HYDIN: variants seen among roughly 807,000 people sequenced by gnomAD.
The protein encoded by HYDIN is HYDIN axonemal central pair apparatus protein.
A neutral mutation model predicts 403.9 loss-of-function variants in HYDIN; 132 were observed. That is an observed-to-expected ratio of 0.33 (90% CI 0.28 to 0.38). The LOEUF is 0.38. HYDIN is among the 10% of genes least tolerant of loss of function. The probability of loss-of-function intolerance (pLI) is 1.00; values close to 1 mark genes in which losing one functional copy is unlikely to be tolerated. For synonymous variants in HYDIN, 1,202 were observed against 1,891.7 expected (o/e 0.64, Z 9.46); for missense variants, 2,827 against 5,009.5 (o/e 0.56, Z 13.15).
chr16:71,143,863 G>A (rs1334441810), intron 7 of HYDIN, among the ~76,000 whole-genome samples: 2 of 152,302 alleles, frequency 1.3e-5, no homozygotes, highest in Non-Finnish European at 2.9e-5. Flanking sequence ...AGTAAAATAT[G>A]TAAATTACTA....
At chr16:71,221,573 C>T (rs1481182597) in intron 1 of HYDIN, among the ~76,000 whole-genome samples, 1 of 151,630 alleles carries the variant, frequency 6.6e-6, no homozygotes, top group South Asian at 2.1e-4. Context: ...GGGAAAAGCA[C>T]CCTGAACAAG....
rs757108818 is a variant in HYDIN, at chr16:70,863,115, C to T, written c.11539G>A (p.Ala3847Thr). The part of the protein sequence containing the change: ...FSWVSEDTSK[A>T]VSFAKPDHQG... ...TGATCTGGTTTTGCAAAGCTGACTGCCTTTGAGGTATCTTCTGAGACCCAG... is the reference window on the plus strand; with the variant it reads ...TGATCTGGTTTTGCAAAGCTGACTGTCTTTGAGGTATCTTCTGAGACCCAG... Residue 3847 changes from alanine (A) to threonine (T), a missense_variant, in exon 68 of 86, where the codon GCA (alanine) becomes ACA (threonine). Physicochemically the swap from Ala to Thr is moderately conservative, Grantham distance 58. Transcript: ENST00000393567. 1.1e-5 allele frequency: 18 copies of T among 1,613,982 alleles called. No homozygotes were observed. Among genetic ancestry groups the T allele is most frequent in the Non-Finnish European group, 1.4e-5 (17 of 1,179,992 alleles).
chr16:71,193,949 A>G (rs562244907), intron 1 of HYDIN, among the ~76,000 whole-genome samples: 2 of 152,330 alleles, frequency 1.3e-5, no homozygotes, highest in East Asian at 1.9e-4. Flanking sequence ...ACAAGTTAAA[A>G]TCCTTTCTAC....
intron 73 of HYDIN, among the ~76,000 whole-genome samples, chr16:70,850,963 G>C (rs1311190596): frequency 1.3e-5 from 2 of 151,906 alleles, no homozygotes; most frequent in East Asian, 1.9e-4. Context: ...AATGATGCTG[G>C]GATAGCTGGC....
rs773918706 is a variant in HYDIN, at chr16:70,805,608, G to A, written c.*1972C>T. ...GCTGATGTATACTAATATTTCAGAA[G>A]CACTGACTTTATACAGATGCTGTAT... is the stretch of plus-strand genomic sequence containing the variant. On this transcript the variant is annotated 3_prime_UTR_variant, in exon 86 of 86. Coordinates refer to ENST00000393567, the MANE Select transcript of HYDIN (RefSeq NM_001270974.2). 5.4e-4 allele frequency among the ~76,000 whole-genome samples: 82 copies of A among 152,312 alleles called. No individual in the cohort carries two copies. Among genetic ancestry groups the A allele is most frequent in the Non-Finnish European group, 1.0e-3 (69 of 68,024 alleles).
At chr16:70,841,439 C>T (rs201716934) in intron 75 of HYDIN, among the ~76,000 whole-genome samples, 3,909 of 152,138 alleles carry the variant, frequency 0.026, 420 homozygotes, top group Admixed American at 0.19. Context: ...TGCAACTTTG[C>T]TGCTGAGTTT....
chr16:70,868,614 C>T lies in HYDIN; in HGVS notation c.11266G>A (p.Asp3756Asn). 6.2e-7 allele frequency: 1 copy of T among 1,613,696 alleles called. No individual in the cohort carries two copies. Among genetic ancestry groups the T allele is most frequent in the Non-Finnish European group, 8.5e-7 (1 of 1,179,972 alleles). Residue 3756 changes from aspartate (D) to asparagine (N), a missense_variant, in exon 66 of 86, where the codon GAC (aspartate) becomes AAC (asparagine). Coordinates refer to ENST00000393567, the MANE Select transcript of HYDIN (RefSeq NM_001270974.2). ...GTCCCAGGCATGTTTCTGGGTACGT[C>T]CACCCACTTGACTGTGTGCATGCGG... is the stretch of plus-strand genomic sequence containing the variant. ...DDRMHTVKWVDVPRNMPGTFT... is the reference protein window; with the variant it reads ...DDRMHTVKWVNVPRNMPGTFT...
chr16:70,841,040 T>C (rs1028850353), intron 75 of HYDIN, among the ~76,000 whole-genome samples: 12 of 152,022 alleles, frequency 7.9e-5, no homozygotes, highest in Admixed American at 7.9e-4. Flanking sequence ...AACAGTAGAA[T>C]AAACATTCAT....
At chr16:71,114,167 A>G (rs2083929931) in intron 10 of HYDIN, among the ~76,000 whole-genome samples, 1 of 152,080 alleles carries the variant, frequency 6.6e-6, no homozygotes, top group South Asian at 2.1e-4. Flanking sequence ...TTGAGGAAAG[A>G]TGTTTTGAGA....
At chr16:71,198,027 G>C in intron 1 of HYDIN, among the ~76,000 whole-genome samples, 1 of 152,334 alleles carries the variant, frequency 6.6e-6, no homozygotes. Flanking sequence ...GATTACAGGC[G>C]TGAGCCACAG....
chr16:70,926,130 T>C (rs914025859), intron 45 of HYDIN, among the ~76,000 whole-genome samples: 8 of 148,592 alleles, frequency 5.4e-5, no homozygotes, highest in Non-Finnish European at 1.0e-4. Flanking sequence ...CAAAGGACTA[T>C]AAATCATACT....
chr16:70,884,834 A>C (rs1229814162), intron 58 of HYDIN, among the ~76,000 whole-genome samples: 8 of 152,234 alleles, frequency 5.3e-5, no homozygotes. Context: ...GTGGCCTGAG[A>C]TAAGGGAAGG....
intron 8 of HYDIN, among the ~76,000 whole-genome samples, chr16:71,130,572 C>A (rs1283496127): frequency 6.8e-6 from 1 of 147,662 alleles, no homozygotes; most frequent in Non-Finnish European, 1.5e-5. Flanking sequence ...ACTGCAAGCT[C>A]CGCTTCCCGG....
At chr16:71,184,160 T>C (rs376737783) in intron 3 of HYDIN, among the ~76,000 whole-genome samples, 2 of 152,116 alleles carry the variant, frequency 1.3e-5, no homozygotes, top group African/African-American at 4.8e-5. Flanking sequence ...TCATTCTTCA[T>C]GAGGAACATA....
Position 70,968,870 on chromosome 16 carries a change from T to A in HYDIN, c.5619+1650A>T, listed in dbSNP as rs139889073. ...TCTTTCAAAGATTCTAAAGCAGCCA[T>A]CATTGTAATGCTTTAGTGAACAATT... On this transcript the variant is annotated intron_variant, in intron 36 of 85. Coordinates refer to ENST00000393567, the MANE Select transcript of HYDIN (RefSeq NM_001270974.2). Among the ~76,000 whole-genome samples the A allele has an allele frequency of 5.9e-3, 899 of 152,216 alleles. 10 individuals are homozygous for A. The highest frequency in any genetic ancestry group is 0.021 in the African/African-American group (861 of 41,528).
At chr16:71,178,547 T>C (rs1242891527) in intron 4 of HYDIN, among the ~76,000 whole-genome samples, 1 of 151,108 alleles carries the variant, frequency 6.6e-6, no homozygotes, top group Non-Finnish European at 1.5e-5. Flanking sequence ...AGGGTTTATA[T>C]CTTGAATTGG....
At position 70,803,856 on chromosome 16, in the gene HYDIN, G is replaced by T. The variant is rs891220440; in HGVS notation, c.*3724C>A. Among the ~76,000 whole-genome samples the T allele has an allele frequency of 6.6e-6, 1 of 151,312 alleles. No individual in the cohort carries two copies. The highest frequency in any genetic ancestry group is 2.4e-5 in the African/African-American group (1 of 41,116). On this transcript the variant is annotated 3_prime_UTR_variant, in exon 86 of 86. Coordinates refer to ENST00000393567, the MANE Select transcript of HYDIN (RefSeq NM_001270974.2). ...GCCACACTCACTGGGGGCCCAGTGT[G>T]GAACGAGGCCAGGGAGCCCCATTCC...
At chr16:70,981,854 C>T (rs1187574488) in intron 28 of HYDIN, among the ~76,000 whole-genome samples, 1 of 151,890 alleles carries the variant, frequency 6.6e-6, no homozygotes, top group Non-Finnish European at 1.5e-5. Context: ...TTCGGCCGGG[C>T]CTGGTGGCTC....
At chr16:71,105,973 A>G (rs1272373024) in intron 10 of HYDIN, among the ~76,000 whole-genome samples, 1 of 147,916 alleles carries the variant, frequency 6.8e-6, no homozygotes, top group Non-Finnish European at 1.5e-5. Context: ...ATGCAGAAAA[A>G]TTATTCAGTT....
Sources: allele counts gnomAD v4.1 joint callset (sites outside exome capture counted in the v4.1 genomes callset), GRCh38; gene constraint gnomAD v4.1.1; transcripts MANE v1.5; gene names NCBI Gene and HGNC (gene_info 2026-07-23, HGNC 2026-07-21).